TDRD1: variants seen among roughly 807,000 people sequenced by gnomAD.
TDRD1 encodes the protein tudor domain-containing protein 1.
A neutral mutation model predicts 140.6 loss-of-function variants in TDRD1; 37 were observed. That is an observed-to-expected ratio of 0.26 (90% CI 0.20 to 0.35). The LOEUF is 0.35. Ranked by LOEUF, TDRD1 falls within the 10% of genes least tolerant of loss-of-function variation. TDRD1 has a pLI of 1.00. For missense variants in TDRD1, 1,243 were observed against 1,393.0 expected (o/e 0.89, Z 1.71); for synonymous variants, 506 against 475.7 (o/e 1.06, Z -0.83).
At chr10:114,222,609 G>A in exon 21 of TDRD1, 1 of 1,609,762 alleles carries the variant, frequency 6.2e-7, no homozygotes, top group Non-Finnish European at 8.5e-7. Context: ...AGCTGTGCAT[G>A]TTGACAGCTG....
Position 114,217,666 on chromosome 10 carries a change from A to T in TDRD1, c.2323+11A>T. On this transcript the variant is annotated intron_variant, in intron 17 of 25. Transcript: ENST00000251864. ...GTGCTTTTTTTGCAGGTAAGTTGCAATTGATGCAATCTTGACTTTTAGAAC... is the reference window on the plus strand; with the variant it reads ...GTGCTTTTTTTGCAGGTAAGTTGCATTTGATGCAATCTTGACTTTTAGAAC... 7.1e-7 allele frequency: 1 copy of T among 1,414,106 alleles called. No homozygotes were observed. The highest frequency in any genetic ancestry group is 1.0e-6 in the Non-Finnish European group (1 of 1,004,812). The allele number at this position is 1,414,106 out of a possible 1,614,324, so 87.6% of individuals were successfully genotyped here.
chr10:114,209,446 A>G (rs994343731), intron 11 of TDRD1, among the ~76,000 whole-genome samples: 2 of 152,200 alleles, frequency 1.3e-5, no homozygotes, highest in Non-Finnish European at 2.9e-5. Context: ...AAACAACAGG[A>G]CAACAGTTCA....
intron 17 of TDRD1, among the ~76,000 whole-genome samples, chr10:114,217,926 G>T (rs933604431): frequency 6.6e-5 from 10 of 152,108 alleles, no homozygotes; most frequent in African/African-American, 2.4e-4. Flanking sequence ...TGGAAGCGCT[G>T]TTCACAGCAG....
At chr10:114,202,181 G>GC in intron 5 of TDRD1, 57 bp from the exon 6 acceptor site, 2 of 1,322,132 alleles carry the variant, frequency 1.5e-6, no homozygotes, top group Non-Finnish European at 2.1e-6. Context: ...GTGGTTGATA[G>GC]CCCCTATGTT....
At chr10:114,189,013 C>T (rs1319356217) in intron 2 of TDRD1, among the ~76,000 whole-genome samples, 3 of 152,136 alleles carry the variant, frequency 2.0e-5, no homozygotes, top group African/African-American at 7.2e-5. Context: ...TGGGCTTCCC[C>T]AGGAGGTCAA....
intron 13 of TDRD1, among the ~76,000 whole-genome samples, chr10:114,211,345 G>A (rs773793095): frequency 3.9e-5 from 6 of 152,244 alleles, no homozygotes; most frequent in Non-Finnish European, 5.9e-5. Flanking sequence ...GGGCCTGGAA[G>A]TGTGGAGCTG....
chr10:114,186,002 A>G (rs1364372830), intron 1 of TDRD1, among the ~76,000 whole-genome samples: 1 of 152,156 alleles, frequency 6.6e-6, no homozygotes, highest in Non-Finnish European at 1.5e-5. Flanking sequence ...TTTACTGAAT[A>G]ATTTTCTCCC....
At chr10:114,176,174 T>C (rs1335129746), upstream of TDRD1, among the ~76,000 whole-genome samples, 1 of 151,926 alleles carries the variant, frequency 6.6e-6, no homozygotes, top group African/African-American at 2.4e-5. The surrounding 1 kb of genome is among the most constrained non-coding windows in gnomAD (Gnocchi z 4.2). Flanking sequence ...TCAATCTTAA[T>C]ATCCTCCAAA....
chr10:114,193,777 G>A (rs35804970), intron 3 of TDRD1, among the ~76,000 whole-genome samples: 11,964 of 152,250 alleles, frequency 0.079, 625 homozygotes, highest in Middle Eastern at 0.15. Flanking sequence ...TGGACACCTT[G>A]CCTTGTTTCT....
At chr10:114,225,383 G>A (rs2133195613) in intron 21 of TDRD1, among the ~76,000 whole-genome samples, 1 of 152,244 alleles carries the variant, frequency 6.6e-6, no homozygotes, top group East Asian at 1.9e-4. Context: ...ACCAATCGTT[G>A]AGACTTCAGG....
At chr10:114,182,966 G>A (rs2033208962) in intron 1 of TDRD1, among the ~76,000 whole-genome samples, 1 of 152,176 alleles carries the variant, frequency 6.6e-6, no homozygotes, top group South Asian at 2.1e-4. Context: ...TTACAGGTGT[G>A]AGCCACCGCT....
chr10:114,215,875 A>G (rs181951273), intron 16 of TDRD1, among the ~76,000 whole-genome samples: 25 of 152,216 alleles, frequency 1.6e-4, no homozygotes, highest in Admixed American at 1.2e-3. Flanking sequence ...TTTTCCAAAT[A>G]TTTTTTCAGA....
intron 3 of TDRD1, among the ~76,000 whole-genome samples, chr10:114,198,436 C>T (rs2034515389): frequency 6.6e-6 from 1 of 152,172 alleles, no homozygotes; most frequent in South Asian, 2.1e-4. Flanking sequence ...ATTCGCTTGG[C>T]CTTCTCTGAT....
At chr10:114,232,540 G>C (rs73359806), downstream of TDRD1, among the ~76,000 whole-genome samples, 7,933 of 132,144 alleles carry the variant, frequency 0.06, 269 homozygotes, top group African/African-American at 0.074. Flanking sequence ...GCTTTTACTG[G>C]CAATGTACGT....
chr10:114,217,632 A>C, exon 17 of TDRD1: 1 of 1,602,414 alleles, frequency 6.2e-7, no homozygotes, highest in Non-Finnish European at 8.5e-7. Context: ...GAGATAGGAC[A>C]ACCTTGTTGT....
At chr10:114,220,986 A>G (rs766339683) in intron 19 of TDRD1, 143 bp downstream of exon 19, 4 of 605,542 alleles carry the variant, frequency 6.6e-6, no homozygotes, top group Non-Finnish European at 1.1e-5. Flanking sequence ...TTGTATTATT[A>G]TTAAATTATT....
chr10:114,222,356 G>A (rs1049709000), intron 20 of TDRD1, among the ~76,000 whole-genome samples: 9 of 152,086 alleles, frequency 5.9e-5, no homozygotes, highest in African/African-American at 2.2e-4. Flanking sequence ...TTGATCCACC[G>A]GAGGCTTCCT....
At chr10:114,230,673 A>G (rs905235857) in intron 25 of TDRD1, among the ~76,000 whole-genome samples, 4 of 152,268 alleles carry the variant, frequency 2.6e-5, no homozygotes, top group African/African-American at 9.6e-5. Flanking sequence ...TTAGGAAAAA[A>G]TAATGTACAT....
chr10:114,183,998 G>A (rs1376799794), intron 1 of TDRD1, among the ~76,000 whole-genome samples: 2 of 151,980 alleles, frequency 1.3e-5, no homozygotes, highest in African/African-American at 2.4e-5. Context: ...AGATGTAGAG[G>A]TACCAAGTCA....
Sources: allele counts gnomAD v4.1 joint callset (sites outside exome capture counted in the v4.1 genomes callset), GRCh38; gene constraint gnomAD v4.1.1; non-coding constraint Gnocchi (gnomAD v3.1); transcripts MANE v1.5; gene names NCBI Gene and HGNC (gene_info 2026-07-23, HGNC 2026-07-21).